Variants in ASIC2 observed in about 807,000 individuals in gnomAD.
ASIC2 encodes the protein acid-sensing ion channel 2.
ASIC2 carries 25 observed loss-of-function variants against 57.3 expected under a neutral mutation model. The ratio of observed to expected loss-of-function variants is 0.44; its 90% CI spans 0.32 to 0.61. The LOEUF (loss-of-function observed/expected upper bound fraction) is 0.61. Among genes scored for constraint, ASIC2 ranks in the 20% least tolerant of loss-of-function variants. The pLI, the probability that ASIC2 is intolerant of heterozygous loss-of-function variation, is 0.06. For synonymous variants in ASIC2, 319 were observed against 307.5 expected, an observed-to-expected ratio of 1.04 and a Z score of -0.39; for missense variants, 641 against 738.1, an observed-to-expected ratio of 0.87 and a Z score of 1.52.
At chr17:33,073,577 A>G (rs552734196) in intron 3 of ASIC2, among the ~76,000 whole-genome samples, 3 of 152,286 alleles carry the variant, frequency 2.0e-5, no homozygotes, top group South Asian at 4.1e-4. Flanking sequence ...ACTCATTGCG[A>G]CCATCACAAT....
chr17:33,341,249 G>C (rs1907709125), intron 1 of ASIC2, among the ~76,000 whole-genome samples: 1 of 152,180 alleles, frequency 6.6e-6, no homozygotes, highest in Non-Finnish European at 1.5e-5. Flanking sequence ...CCTGGAATCT[G>C]CATGTTTAAC....
chr17:33,414,850 C>T (rs1054048335), intron 1 of ASIC2, among the ~76,000 whole-genome samples: 1 of 152,210 alleles, frequency 6.6e-6, no homozygotes, highest in Non-Finnish European at 1.5e-5. Context: ...TCCAAAAAGC[C>T]TCTTCCTCTC....
At chr17:34,095,361 G>A (rs1254817898) in intron 1 of ASIC2, among the ~76,000 whole-genome samples, 11 of 152,040 alleles carry the variant, frequency 7.2e-5, no homozygotes, top group African/African-American at 2.7e-4. Flanking sequence ...AGCTGGCAGT[G>A]CCATCAAAGA....
intron 1 of ASIC2, among the ~76,000 whole-genome samples, chr17:33,630,120 C>T (rs932277426): frequency 6.6e-6 from 1 of 152,172 alleles, no homozygotes; most frequent in Non-Finnish European, 1.5e-5. Context: ...CTGCAACTTG[C>T]ATCTGATCAC....
chr17:34,021,587 T>A (rs2142029156), intron 1 of ASIC2, among the ~76,000 whole-genome samples: 1 of 152,312 alleles, frequency 6.6e-6, no homozygotes, highest in South Asian at 2.1e-4. Flanking sequence ...AAACTCTTGT[T>A]CCCTTGAAGT....
At chr17:34,004,399 G>A (rs758223579) in intron 1 of ASIC2, 1 of 152,204 alleles carries the variant, frequency 6.6e-6, no homozygotes, top group African/African-American at 2.4e-5. Context: ...AACAGCCCAA[G>A]AAGTAGTGGT....
At chr17:34,138,808 A>C (rs1226845308) in intron 1 of ASIC2, among the ~76,000 whole-genome samples, 2 of 152,202 alleles carry the variant, frequency 1.3e-5, no homozygotes, top group African/African-American at 4.8e-5. Context: ...GTTCGACTCT[A>C]GTGAATACCT....
chr17:33,206,736 AG>A (rs1907076187), intron 1 of ASIC2, among the ~76,000 whole-genome samples: 1 of 152,172 alleles, frequency 6.6e-6, no homozygotes, highest in South Asian at 2.1e-4. Context: ...GTGAAGTTCC[AG>A]GGTTACCCAG....
intron 1 of ASIC2, among the ~76,000 whole-genome samples, chr17:33,782,510 T>A (rs923974838): frequency 2.0e-5 from 3 of 152,128 alleles, no homozygotes; most frequent in Non-Finnish European, 4.4e-5. Flanking sequence ...GCAGACTCTT[T>A]GAGCTCAGGA....
chr17:33,627,271 A>G (rs1402541157), intron 1 of ASIC2: 1 of 152,262 alleles, frequency 6.6e-6, no homozygotes, highest in African/African-American at 2.4e-5. Context: ...CACTGGGTAC[A>G]AATCTCTATC....
At chr17:33,892,648 C>A (rs1427675574) in intron 1 of ASIC2, among the ~76,000 whole-genome samples, 1 of 152,184 alleles carries the variant, frequency 6.6e-6, no homozygotes, top group African/African-American at 2.4e-5. Context: ...CATGGGGCAT[C>A]CTTGAGAATA....
intron 9 of ASIC2, among the ~76,000 whole-genome samples, chr17:33,015,758 T>C (rs997601655): frequency 2.6e-5 from 4 of 152,234 alleles, no homozygotes; most frequent in Non-Finnish European, 5.9e-5. Context: ...TCCTGGTGTC[T>C]GCTGCATCCG....
chr17:33,343,507 T>C (rs1343310211), intron 1 of ASIC2, among the ~76,000 whole-genome samples: 2 of 152,190 alleles, frequency 1.3e-5, no homozygotes, highest in Non-Finnish European at 2.9e-5. Flanking sequence ...GTCCAAATCT[T>C]ACCTCTCTAG....
At chr17:33,901,957 T>C (rs1292114083) in intron 1 of ASIC2, among the ~76,000 whole-genome samples, 1 of 152,184 alleles carries the variant, frequency 6.6e-6, no homozygotes, top group Non-Finnish European at 1.5e-5. Context: ...TTGGCAACCA[T>C]TCAGATTTCC....
In ASIC2 at chr17:34,156,620, A is replaced by T. The variant is rs1486478241; in HGVS notation, c.-88T>A. ...GTCCTCGGGCTCTGCTTAAACCTTG[A>T]CGTTCAGGGGAGAGAACGCAAGGCA... On this transcript the variant is annotated 5_prime_UTR_variant, in exon 1 of 10. Transcript: ENST00000359872. The surrounding 1 kb of genome is among the most constrained non-coding windows in gnomAD (Gnocchi z 4.4). 7.2e-6 allele frequency: 10 copies of T among 1,382,558 alleles called. No homozygotes were observed. Among genetic ancestry groups the T allele is most frequent in the Non-Finnish European group, 8.8e-6 (9 of 1,028,470 alleles). The allele number at this position is 1,382,558 out of a possible 1,614,324, so 85.6% of individuals were successfully genotyped here. A position where few individuals can be genotyped will look rare whatever the true frequency, so the allele number is the denominator to read the frequency against.
chr17:33,968,993 C>A (rs1905148662), intron 1 of ASIC2, among the ~76,000 whole-genome samples: 1 of 152,238 alleles, frequency 6.6e-6, no homozygotes, highest in Non-Finnish European at 1.5e-5. Context: ...CTGAGTCAGA[C>A]AATGTGTGTG....
At chr17:33,681,331 G>C (rs1383120484) in intron 1 of ASIC2, among the ~76,000 whole-genome samples, 1 of 152,142 alleles carries the variant, frequency 6.6e-6, no homozygotes. Context: ...GTGTATTATA[G>C]AATGTTTCAC....
intron 1 of ASIC2, among the ~76,000 whole-genome samples, chr17:33,655,164 C>T (rs1907039659): frequency 6.6e-6 from 1 of 152,180 alleles, no homozygotes; most frequent in African/African-American, 2.4e-5. Flanking sequence ...AAGAACCAGA[C>T]AGACCTGGTG....
intron 1 of ASIC2, among the ~76,000 whole-genome samples, chr17:33,587,513 C>A (rs1904676945): frequency 6.6e-6 from 1 of 152,204 alleles, no homozygotes; most frequent in East Asian, 1.9e-4. Flanking sequence ...AGAGCAAAAA[C>A]TGGCTTTCAC....
Sources: allele counts gnomAD v4.1 joint callset (sites outside exome capture counted in the v4.1 genomes callset), GRCh38; gene constraint gnomAD v4.1.1; non-coding constraint Gnocchi (gnomAD v3.1); transcripts MANE v1.5; gene names NCBI Gene and HGNC (gene_info 2026-07-23, HGNC 2026-07-21).